TMTC4: variants seen among roughly 807,000 people sequenced by gnomAD.
The protein encoded by TMTC4 is protein O-mannosyl-transferase TMTC4.
In TMTC4, 65 loss-of-function variants were observed where a neutral mutation model predicts 86.0. The observed-to-expected ratio is 0.76, with a 90% confidence interval of 0.62 to 0.93. The LOEUF (loss-of-function observed/expected upper bound fraction) is 0.93. Ranked by LOEUF, TMTC4 falls within the 40% of genes least tolerant of loss-of-function variation. The probability of loss-of-function intolerance (pLI) is 0.00; values close to 1 mark genes in which losing one functional copy is unlikely to be tolerated. For synonymous variants in TMTC4, 379 were observed against 382.5 expected, an observed-to-expected ratio of 0.99 and a Z score of 0.11; for missense variants, 866 against 948.1, an observed-to-expected ratio of 0.91 and a Z score of 1.14.
intron 17 of TMTC4, among the ~76,000 whole-genome samples, chr13:100,610,556 T>C (rs544552780): frequency 1.3e-5 from 2 of 152,354 alleles, no homozygotes; most frequent in South Asian, 4.1e-4. Context: ...TTTCCTTAAG[T>C]TAGGCCCAGT....
rs556431096 is a variant in TMTC4 at position 100,651,121 on chromosome 13, ACT to A, written c.640+5258_640+5259del. 2.1e-3 allele frequency among the ~76,000 whole-genome samples: 313 copies of A among 151,984 alleles called. 2 individuals carry two copies. The highest frequency in any genetic ancestry group is 7.1e-3 in the African/African-American group (296 of 41,452). ...GAAAATCCATCCCCCTCTGGAAAAG[ACT>A]CTCTTCTCCCCACTATAAATGAGAA... On this transcript the variant is annotated intron_variant, in intron 6 of 18. Coordinates refer to ENST00000342624, the MANE Select transcript of TMTC4 (RefSeq NM_032813.5).
At position 100,614,316 on chromosome 13, in the gene TMTC4, C is replaced by G. The variant is rs1040166913; in HGVS notation, c.1951G>C (p.Gly651Arg). Residue 651 changes from glycine to arginine, a missense_variant and splice_region_variant, in exon 16 of 19, where the codon GGT (glycine) becomes CGT (arginine). Physicochemically the swap from Gly to Arg is moderately radical, Grantham distance 125. Transcript: ENST00000342624. ...ATTTGTTCCATCCAGCTTTCTGTACCTGTATTGTCGAGGAGTATAATCATG... is the reference window on the plus strand; with the variant it reads ...ATTTGTTCCATCCAGCTTTCTGTACGTGTATTGTCGAGGAGTATAATCATG... ...NNMIILLDNT[G>R]NLAQAEAVGR... The G allele has an allele frequency of 6.2e-7, 1 of 1,610,832 alleles. No individual in the cohort carries two copies. The highest frequency in any genetic ancestry group is 8.5e-7 in the Non-Finnish European group (1 of 1,177,842).
intron 6 of TMTC4, among the ~76,000 whole-genome samples, chr13:100,650,409 C>T (rs1374100723): frequency 2.0e-5 from 3 of 152,240 alleles, no homozygotes; most frequent in African/African-American, 7.2e-5. Flanking sequence ...GCACGTGCCT[C>T]GGATTTGGCA....
chr13:100,606,758 G>A (rs185942085), intron 17 of TMTC4, among the ~76,000 whole-genome samples: 1 of 152,182 alleles, frequency 6.6e-6, no homozygotes, highest in African/African-American at 2.4e-5. Context: ...GGGAACAGGA[G>A]AAGGCTGAGC....
At chr13:100,606,667 C>T (rs1361388390) in intron 17 of TMTC4, among the ~76,000 whole-genome samples, 1 of 152,180 alleles carries the variant, frequency 6.6e-6, no homozygotes, top group African/African-American at 2.4e-5. Flanking sequence ...GTGCCACCAC[C>T]TGCCTCCCTG....
chr13:100,674,861 C>A (rs904459160), upstream of TMTC4: 28 of 977,260 alleles, frequency 2.9e-5, no homozygotes, highest in East Asian at 1.1e-4. Context: ...CCCGACCCCC[C>A]CCGCGCCGCG....
At chr13:100,636,380 T>C (rs1882204790) in intron 10 of TMTC4, 152 bp downstream of exon 10, 3 of 938,930 alleles carry the variant, frequency 3.2e-6, no homozygotes, top group South Asian at 3.4e-5. Flanking sequence ...GGATTCCAAA[T>C]GGATGGAACT....
At chr13:100,648,903 G>A (rs1884082564) in intron 6 of TMTC4, among the ~76,000 whole-genome samples, 1 of 151,970 alleles carries the variant, frequency 6.6e-6, no homozygotes. Context: ...TGCCCAAGCT[G>A]GTCTCAAACT....
At chr13:100,633,040 C>T (rs1029076544) in intron 12 of TMTC4, among the ~76,000 whole-genome samples, 1 of 152,122 alleles carries the variant, frequency 6.6e-6, no homozygotes, top group Non-Finnish European at 1.5e-5. Context: ...TGGCTGGGCG[C>T]GGAGGCTCAT....
At chr13:100,615,174 G>A (rs1233064392) in intron 15 of TMTC4, among the ~76,000 whole-genome samples, 2 of 152,230 alleles carry the variant, frequency 1.3e-5, no homozygotes, top group South Asian at 2.1e-4. Context: ...GTCTCACACT[G>A]TTGCCCGGGC....
upstream of TMTC4, chr13:100,674,877 C>A: frequency 1.0e-6 from 1 of 983,018 alleles, no homozygotes; most frequent in African/African-American, 1.7e-5. Flanking sequence ...CCGCGCCTCC[C>A]GCAGCTCCCC....
At chr13:100,670,227 C>T (rs1198892877) in intron 2 of TMTC4, 133 bp downstream of exon 2, 2 of 950,522 alleles carry the variant, frequency 2.1e-6, no homozygotes, top group Admixed American at 6.2e-5. Context: ...GTTTCTGGAT[C>T]TCTAAGTGGA....
At chr13:100,614,848 A>C (rs1455475855) in intron 15 of TMTC4, 12 of 887,240 alleles carry the variant, frequency 1.4e-5, no homozygotes, top group Non-Finnish European at 1.4e-5. Context: ...TAAAGACTTC[A>C]TAAGTTCATT....
At chr13:100,624,319 G>A (rs1880074414) in intron 15 of TMTC4, 1 of 147,784 alleles carries the variant, frequency 6.8e-6, no homozygotes, top group African/African-American at 2.5e-5. Flanking sequence ...TCCAGCTTGG[G>A]TGACAGAGTG....
chr13:100,614,903 G>C, intron 15 of TMTC4: 2 of 985,014 alleles, frequency 2.0e-6, no homozygotes, highest in Non-Finnish European at 2.4e-6. Flanking sequence ...TATTTCTCAT[G>C]ATCAAAAGCT....
At chr13:100,627,388 A>C (rs150106969) in intron 12 of TMTC4, among the ~76,000 whole-genome samples, 1 of 152,316 alleles carries the variant, frequency 6.6e-6, no homozygotes, top group African/African-American at 2.4e-5. Flanking sequence ...CACTTCTCTC[A>C]CAGTCCTGGA....
intron 1 of TMTC4, among the ~76,000 whole-genome samples, chr13:100,671,634 G>T (rs1177364891): frequency 1.3e-5 from 2 of 152,234 alleles, no homozygotes; most frequent in East Asian, 3.9e-4. Flanking sequence ...TGCAGGGACA[G>T]CAGGAAACCT....
chr13:100,655,350 A>T (rs1004148188), intron 6 of TMTC4, among the ~76,000 whole-genome samples: 5 of 152,206 alleles, frequency 3.3e-5, no homozygotes, highest in African/African-American at 9.7e-5. Context: ...AATTTTCTTC[A>T]GGAAAAATAT....
chr13:100,637,465 G>A, intron 9 of TMTC4, 73 bp downstream of exon 9: 1 of 1,537,022 alleles, frequency 6.5e-7, no homozygotes, highest in Non-Finnish European at 8.8e-7. Context: ...GTGAGACGAG[G>A]AGGAGGGGTG....
Sources: allele counts gnomAD v4.1 joint callset (sites outside exome capture counted in the v4.1 genomes callset), GRCh38; gene constraint gnomAD v4.1.1; transcripts MANE v1.5; gene names NCBI Gene and HGNC (gene_info 2026-07-23, HGNC 2026-07-21).